Variants in ABCC11 observed in about 807,000 individuals in gnomAD.
ABCC11 encodes ATP binding cassette subfamily C member 11.
A neutral mutation model predicts 149.3 loss-of-function variants in ABCC11; 135 were observed. The ratio of observed to expected loss-of-function variants is 0.90; its 90% CI spans 0.79 to 1.04. The LOEUF (loss-of-function observed/expected upper bound fraction) is 1.04, where lower values mean the gene tolerates loss of function less well. ABCC11 is among the 50% of genes least tolerant of loss of function. The pLI is 0.00. For missense variants in ABCC11, 1,680 were observed against 1,722.1 expected, an observed-to-expected ratio of 0.98 and a Z score of 0.43; for synonymous variants, 665 against 671.4, an observed-to-expected ratio of 0.99 and a Z score of 0.15.
chr16:48,214,824 C>T, intron 9 of ABCC11, 57 bp downstream of exon 9: 4 of 1,603,104 alleles, frequency 2.5e-6, no homozygotes, highest in Non-Finnish European at 2.6e-6. Context: ...TAAAAAAGGA[C>T]ACGTGAGAAA....
At chr16:48,175,119 G>T in intron 26 of ABCC11, 139 bp downstream of exon 26, 3 of 1,091,112 alleles carry the variant, frequency 2.7e-6, no homozygotes, top group East Asian at 2.6e-5. Context: ...AGGTAAGCCA[G>T]GTAGGCATGA....
intron 23 of ABCC11, among the ~76,000 whole-genome samples, chr16:48,183,719 T>C (rs576476915): frequency 2.5e-4 from 38 of 152,278 alleles, no homozygotes; most frequent in African/African-American, 8.2e-4. Context: ...GCCAAGATCG[T>C]GCCACTGTGC....
chr16:48,240,893 T>A (rs1038558303), intron 1 of ABCC11, among the ~76,000 whole-genome samples: 1 of 152,112 alleles, frequency 6.6e-6, no homozygotes, highest in Non-Finnish European at 1.5e-5. Context: ...TCGTCATTAA[T>A]AAGACATTTC....
intron 1 of ABCC11, among the ~76,000 whole-genome samples, chr16:48,244,045 A>G (rs1036479368): frequency 6.6e-6 from 1 of 151,300 alleles, no homozygotes; most frequent in Non-Finnish European, 1.5e-5. Flanking sequence ...AAAAGTTAAA[A>G]ACACTTCAAG....
Position 48,175,257 on chromosome 16 carries a change from C to A in ABCC11, c.3698+1G>T. On this transcript the variant is annotated splice_donor_variant, in intron 26 of 29. Coordinates refer to ENST00000356608, the MANE Select transcript of ABCC11 (RefSeq NM_001370497.1). LOFTEE classifies it high-confidence loss of function. Reference sequence around the variant, plus strand: ...AGGCTGCCTGCTGGCCCGGCACTCACCTGATGGTTCCTGAGAGCAGCACTG... The same window carrying A: ...AGGCTGCCTGCTGGCCCGGCACTCAACTGATGGTTCCTGAGAGCAGCACTG... 6.2e-7 allele frequency: 1 copy of A among 1,607,496 alleles called. No homozygotes were observed.
At chr16:48,202,505 G>T (rs1441292988) in intron 14 of ABCC11, among the ~76,000 whole-genome samples, 1 of 152,018 alleles carries the variant, frequency 6.6e-6, no homozygotes, top group East Asian at 1.9e-4. Context: ...CAGCTACTCA[G>T]GAGGCTGAGG....
At position 48,227,814 on chromosome 16, in the gene ABCC11, A is replaced by G; in HGVS notation, c.387T>C (p.Asn129=). ...PLSVHDASDK[N]VQRLHRLWEE... ...GCCCAGCGCAGCTTCACCTTTGGAC[A>G]TTTTTGTCTGAGGCATCATGGACTG... Residue 129 remains asparagine (N), a synonymous_variant, in exon 4 of 30, where the codon AAT becomes AAC. Transcript: ENST00000356608. The G allele has an allele frequency of 6.2e-7, 1 of 1,612,908 alleles. No homozygotes were observed. The highest frequency in any genetic ancestry group is 8.5e-7 in the Non-Finnish European group (1 of 1,179,474).
chr16:48,233,833 C>CT (rs1970551382), intron 1 of ABCC11, among the ~76,000 whole-genome samples: 2 of 152,236 alleles, frequency 1.3e-5, no homozygotes, highest in Non-Finnish European at 2.9e-5. Flanking sequence ...TCCAATGCTA[C>CT]TTGACATTTT....
At chr16:48,186,783 A>G (rs73540879) in intron 22 of ABCC11, among the ~76,000 whole-genome samples, 170 bp downstream of exon 22, 114 of 152,358 alleles carry the variant, frequency 7.5e-4, no homozygotes, top group African/African-American at 2.6e-3. Flanking sequence ...TCATTCTTAT[A>G]AATGAAAGAA....
At chr16:48,230,394 C>T (rs768819041) in intron 3 of ABCC11, 43 bp downstream of exon 3, 3 of 1,511,010 alleles carry the variant, frequency 2.0e-6, no homozygotes, top group South Asian at 1.3e-5. Context: ...GATCATTGCC[C>T]TGGTGGATAC....
chr16:48,193,985 G>T lies in ABCC11; in HGVS notation c.2405-3C>A. Reference sequence around the variant, plus strand: ...AATTATGCAAGAGACCATGTAACCTGGGAGGGAGACAGTGGTGATGTACAA... The same window carrying T: ...AATTATGCAAGAGACCATGTAACCTTGGAGGGAGACAGTGGTGATGTACAA... On this transcript the variant is annotated splice_polypyrimidine_tract_variant and splice_region_variant and intron_variant, in intron 18 of 29. Coordinates refer to ENST00000356608, the MANE Select transcript of ABCC11 (RefSeq NM_001370497.1). The T allele has an allele frequency of 1.2e-6, 2 of 1,605,398 alleles. No homozygotes were observed. Among genetic ancestry groups the T allele is most frequent in the Non-Finnish European group, 1.7e-6 (2 of 1,172,328 alleles).
rs199946345 is a variant in ABCC11 at position 48,198,237 on chromosome 16, A to G, written c.2121T>C (p.Asn707=). 405 of 1,614,098 alleles carry G rather than the reference A, an allele frequency of 2.5e-4. 1 individual carries two copies. Among genetic ancestry groups the G allele is most frequent in the Admixed American group, 2.0e-3 (123 of 60,006 alleles). The change falls in exon 16 of 30, where the codon AAT becomes AAC. Residue 707 remains asparagine, a synonymous_variant. Coordinates refer to ENST00000356608, the MANE Select transcript of ABCC11 (RefSeq NM_001370497.1). ...GAGTTCCATTTTCACAGATTTTCCC[A>G]TTTTCCAACAAAATGATCTGGCCAC... ...EFCGQIILLE[N]GKICENGTHS...
chr16:48,244,884 C>T (rs910707929), intron 1 of ABCC11, among the ~76,000 whole-genome samples: 1 of 152,306 alleles, frequency 6.6e-6, no homozygotes, highest in East Asian at 1.9e-4. Flanking sequence ...TAATTTGAAT[C>T]CTCTTCCCCC....
intron 20 of ABCC11, among the ~76,000 whole-genome samples, chr16:48,192,109 C>T (rs951453069): frequency 6.6e-6 from 1 of 151,864 alleles, no homozygotes; most frequent in Non-Finnish European, 1.5e-5. Flanking sequence ...CAGAGCAAGA[C>T]CCCATCTCTA....
intron 22 of ABCC11, among the ~76,000 whole-genome samples, chr16:48,186,190 A>T (rs982748160): frequency 1.3e-5 from 2 of 152,106 alleles, no homozygotes; most frequent in African/African-American, 4.8e-5. Flanking sequence ...CAGCTAACTG[A>T]GCACATACCG....
Position 48,215,217 on chromosome 16 carries a change from G to C in ABCC11, c.1079C>G (p.Pro360Arg). The change falls in exon 8 of 30, where the codon CCA (proline) becomes CGA (arginine). Residue 360 changes from proline to arginine, a missense_variant. By Grantham distance (103) the Pro-to-Arg change is moderately radical. Transcript: ENST00000356608. ...KLIKMYTWEK[P>R]FAKIIEDLRR... is the part of the protein sequence containing the mutation. ...CATACCTTCAATGATTTTTGCAAAT[G>C]GTTTCTCCCATGTGTACATTTTAAT... 1 of 1,610,970 alleles carries C rather than the reference G, an allele frequency of 6.2e-7. No homozygotes were observed. Among genetic ancestry groups the C allele is most frequent in the African/African-American group, 1.3e-5 (1 of 74,936 alleles).
At chr16:48,203,445 T>C (rs1481372058) in intron 13 of ABCC11, 145 bp from the exon 14 acceptor site, 3 of 600,134 alleles carry the variant, frequency 5.0e-6, no homozygotes, top group Non-Finnish European at 8.5e-6. Context: ...AAGGCTTTTT[T>C]CATTTCCTTC....
At chr16:48,171,869 A>G (rs1443954733) in intron 26 of ABCC11, among the ~76,000 whole-genome samples, 1 of 152,198 alleles carries the variant, frequency 6.6e-6, no homozygotes, top group Non-Finnish European at 1.5e-5. Context: ...AAGCTGAGAC[A>G]GAAGAATCAC....
intron 10 of ABCC11, among the ~76,000 whole-genome samples, chr16:48,211,701 T>C (rs1298104525): frequency 4.6e-5 from 7 of 151,918 alleles, no homozygotes; most frequent in Non-Finnish European, 8.8e-5. Flanking sequence ...AAAATCTACT[T>C]GTAGCTATTG....
Sources: allele counts gnomAD v4.1 joint callset (sites outside exome capture counted in the v4.1 genomes callset), GRCh38; gene constraint gnomAD v4.1.1; transcripts MANE v1.5; gene names NCBI Gene and HGNC (gene_info 2026-07-23, HGNC 2026-07-21).